ZNF304: variants seen among roughly 807,000 people sequenced by gnomAD.
ZNF304 encodes KRAB-containing zinc finger protein.
In ZNF304, 7 loss-of-function variants were observed where a neutral mutation model predicts 7.8. The ratio of observed to expected loss-of-function variants is 0.90; its 90% CI spans 0.51 to 1.69. The LOEUF is 1.69. Among genes scored for constraint, ZNF304 ranks in the 40% most tolerant of loss-of-function variants. ZNF304 has a pLI of 0.00. For synonymous variants in ZNF304, 280 were observed against 272.4 expected (o/e 1.03, Z -0.27); for missense variants, 669 against 804.8 (o/e 0.83, Z 2.04).
In ZNF304 at chr19:57,353,871, A is replaced by T; in HGVS notation, c.160+20A>T. 6.5e-7 allele frequency: 1 copy of T among 1,532,170 alleles called. No individual in the cohort carries two copies. Among genetic ancestry groups the T allele is most frequent in the Non-Finnish European group, 8.8e-7 (1 of 1,136,042 alleles). 94.9% of individuals were successfully genotyped at this position (1,532,170 alleles called of 1,614,324 possible). On this transcript the variant is annotated intron_variant, in intron 2 of 2. Coordinates refer to ENST00000282286, the MANE Select transcript of ZNF304 (RefSeq NM_020657.4). ...CACTAGGTAAGTCTGTGTTTTAGTTATCTAATGCTACATGGCAAATTATCC... is the reference window on the plus strand; with the variant it reads ...CACTAGGTAAGTCTGTGTTTTAGTTTTCTAATGCTACATGGCAAATTATCC...
intron 1 of ZNF304, 71 bp from the exon 2 acceptor site, chr19:57,353,654 G>A: frequency 6.5e-7 from 1 of 1,537,854 alleles, no homozygotes; most frequent in South Asian, 1.3e-5. Context: ...GTGTGTGAGT[G>A]TGTAGACTGG....
Position 57,353,960 on chromosome 19 carries a change from C to T in ZNF304, c.160+109C>T, listed in dbSNP as rs902099535. 1.9e-5 allele frequency: 17 copies of T among 880,296 alleles called. No homozygotes were observed. In the Admixed American group the frequency reaches 5.4e-4, roughly 28 times the overall value. 54.5% of individuals were successfully genotyped at this position (880,296 alleles called of 1,614,324 possible). ...TCTCCAGTTTCAGTGCATTGGTAAT[C>T]TGGTTAGAGCATTTTTTGTTGTTTA... On this transcript the variant is annotated intron_variant, in intron 2 of 2. Transcript: ENST00000282286.
Position 57,351,467 on chromosome 19 carries a change from G to C in ZNF304, c.-198G>C, listed in dbSNP as rs899583791. On this transcript the variant is annotated 5_prime_UTR_variant, in exon 1 of 3. Transcript: ENST00000282286. The surrounding 1 kb of genome is among the most constrained non-coding windows in gnomAD (Gnocchi z 4.1). ...GCCTCTCGCGGAGGTGTCTGCCGGGGCTGGGCTCTTACCGAGGCCTCCACA... is the reference window on the plus strand; with the variant it reads ...GCCTCTCGCGGAGGTGTCTGCCGGGCCTGGGCTCTTACCGAGGCCTCCACA... 4.9e-6 allele frequency: 3 copies of C among 617,704 alleles called. No homozygotes were observed. In the African/African-American group the frequency reaches 5.6e-5, roughly 12 times the overall value. The allele number at this position is 617,704 out of a possible 1,614,324, so 38.3% of individuals were successfully genotyped here. A position where few individuals can be genotyped will look rare whatever the true frequency, so the allele number is the denominator to read the frequency against.
At position 57,356,954 on chromosome 19, in the gene ZNF304, C is replaced by A; in HGVS notation, c.1085C>A (p.Pro362His). The A allele has an allele frequency of 6.2e-7, 1 of 1,605,162 alleles. No individual in the cohort carries two copies. The highest frequency in any genetic ancestry group is 8.5e-7 in the Non-Finnish European group (1 of 1,172,826). The change falls in exon 3 of 3, where the codon CCT becomes CAT. Residue 362 changes from proline to histidine, a missense_variant. Transcript: ENST00000282286. Reference protein sequence around the residue: ...QHQRIHTGERPYKCNKCGKAF... With the variant: ...QHQRIHTGERHYKCNKCGKAF... ...CAGAGAATTCACACAGGAGAAAGGC[C>A]TTATAAGTGCAACAAATGTGGGAAA...
In ZNF304 at chr19:57,357,222, A is replaced by G; in HGVS notation, c.1353A>G (p.Lys451=). The change falls in exon 3 of 3, where the codon AAA becomes AAG. Residue 451 remains lysine (K), a synonymous_variant. Transcript: ENST00000282286. ...GAGCAAGATCCTACGTGTGCAGCAA[A>G]TGTGGGAAGGCCTTTGGCTGCAAAG... The part of the protein sequence containing the change: ...HTGARSYVCS[K]CGKAFGCKDT... The G allele has an allele frequency of 1.2e-6, 2 of 1,614,074 alleles. No homozygotes were observed. Among genetic ancestry groups the G allele is most frequent in the Non-Finnish European group, 1.7e-6 (2 of 1,180,018 alleles).
Position 57,357,877 on chromosome 19 carries a change from C to CATTTT in ZNF304, c.*28_*29insATTTT. 3 of 1,559,074 alleles carry CATTTT rather than the reference C, an allele frequency of 1.9e-6. No individual in the cohort carries two copies. In the South Asian group the frequency reaches 3.7e-5, roughly 19 times the overall value. ...CCAGAAAATTCACACAAGAGAAAGGCCTTATGAATGCAGAAAATATGTCAT... is the reference window on the plus strand; with the variant it reads ...CCAGAAAATTCACACAAGAGAAAGGCATTTTCTTATGAATGCAGAAAATATGTCAT... On this transcript the variant is annotated 3_prime_UTR_variant, in exon 3 of 3. Coordinates refer to ENST00000282286, the MANE Select transcript of ZNF304 (RefSeq NM_020657.4).
Position 57,351,533 on chromosome 19 carries a change from T to G in ZNF304, c.-132T>G. 1 of 1,142,790 alleles carries G rather than the reference T, an allele frequency of 8.8e-7. No homozygotes were observed. 70.8% of individuals were successfully genotyped at this position (1,142,790 alleles called of 1,614,324 possible). On this transcript the variant is annotated 5_prime_UTR_variant, in exon 1 of 3. It introduces an in-frame stop codon into an upstream open reading frame of the 5' UTR. Coordinates refer to ENST00000282286, the MANE Select transcript of ZNF304 (RefSeq NM_020657.4). The surrounding 1 kb of genome is among the most constrained non-coding windows in gnomAD (Gnocchi z 4.1). ...TTGTCTCCCCCAGAAGCAGCCGCCT[T>G]AGTCTTGTGAGCGTTTTTACACCGG...
At position 57,351,583 on chromosome 19, in the gene ZNF304, A is replaced by T. The variant is rs1323084495; in HGVS notation, c.-82A>T. 2.4e-5 allele frequency: 38 copies of T among 1,551,654 alleles called. No individual in the cohort carries two copies. The highest frequency in any genetic ancestry group is 3.4e-5 in the Non-Finnish European group (38 of 1,128,694). On this transcript the variant is annotated 5_prime_UTR_variant, in exon 1 of 3. Transcript: ENST00000282286. The surrounding 1 kb of genome is among the most constrained non-coding windows in gnomAD (Gnocchi z 4.1). ...GGTAGATTGAGACTTGGAGTGCTACACTCAGCCCGAGGGCGTCCAGCGCGG... is the reference window on the plus strand; with the variant it reads ...GGTAGATTGAGACTTGGAGTGCTACTCTCAGCCCGAGGGCGTCCAGCGCGG...
chr19:57,353,872 T>C (rs372494374), intron 2 of ZNF304, 21 bp downstream of exon 2: 252 of 1,532,476 alleles, frequency 1.6e-4, no homozygotes, highest in Non-Finnish European at 8.4e-5. Context: ...GTTTTAGTTA[T>C]CTAATGCTAC....
In ZNF304 at chr19:57,357,555, T is replaced by C. The variant is rs756225586; in HGVS notation, c.1686T>C (p.Ser562=). 8.6e-5 allele frequency: 139 copies of C among 1,613,890 alleles called. 2 individuals are homozygous for C. In the South Asian group the frequency reaches 1.5e-3, roughly 17 times the overall value. Residue 562 remains serine, a synonymous_variant, in exon 3 of 3, where the codon AGT becomes AGC. Transcript: ENST00000282286. ...VHTGARPYVC[S]ECGKAYISSS... ...CAGGAGCAAGGCCTTATGTGTGCAG[T>C]GAATGTGGGAAGGCTTACATTAGTA...
At chr19:57,355,909 G>A (rs2088329200) in intron 2 of ZNF304, 121 bp from the exon 3 acceptor site, 1 of 1,120,494 alleles carries the variant, frequency 8.9e-7, no homozygotes, top group Non-Finnish European at 1.3e-6. Flanking sequence ...CACTGATCCT[G>A]GCCCTCTTGT....
At position 57,351,556 on chromosome 19, in the gene ZNF304, C is replaced by T. The variant is rs1422894173; in HGVS notation, c.-109C>T. 1.5e-6 allele frequency: 2 copies of T among 1,377,968 alleles called. No individual in the cohort carries two copies. The highest frequency in any genetic ancestry group is 2.9e-5 in the African/African-American group (2 of 69,728). The allele number at this position is 1,377,968 out of a possible 1,614,324, so 85.4% of individuals were successfully genotyped here. On this transcript the variant is annotated 5_prime_UTR_variant, in exon 1 of 3. Transcript: ENST00000282286. The surrounding 1 kb of genome is among the most constrained non-coding windows in gnomAD (Gnocchi z 4.1). ...CTTAGTCTTGTGAGCGTTTTTACAC[C>T]GGGTAGATTGAGACTTGGAGTGCTA...
At chr19:57,355,422 T>C in intron 2 of ZNF304, 1 of 755,326 alleles carries the variant, frequency 1.3e-6, no homozygotes, top group South Asian at 1.4e-5. Context: ...GTATCTGTTA[T>C]GGTTGGGTTC....
At chr19:57,353,378 T>C (rs1383874672) in intron 1 of ZNF304, among the ~76,000 whole-genome samples, 1 of 152,108 alleles carries the variant, frequency 6.6e-6, no homozygotes, top group Non-Finnish European at 1.5e-5. Flanking sequence ...TATTGGCAGC[T>C]CATGGGAGAA....
rs746369511 is a variant in ZNF304 at position 57,357,552 on chromosome 19, C to T, written c.1683C>T (p.Cys561=). ...RVHTGARPYV[C]SECGKAYISS... ...ACACAGGAGCAAGGCCTTATGTGTG[C>T]AGTGAATGTGGGAAGGCTTACATTA... The change falls in exon 3 of 3, where the codon TGC becomes TGT. Residue 561 remains cysteine, a synonymous_variant. Coordinates refer to ENST00000282286, the MANE Select transcript of ZNF304 (RefSeq NM_020657.4). 5.6e-6 allele frequency: 9 copies of T among 1,614,178 alleles called. No individual in the cohort carries two copies. The South Asian group carries it at 9.9e-5, about 18-fold the overall frequency.
At chr19:57,354,145 G>A (rs1339738035) in intron 2 of ZNF304, among the ~76,000 whole-genome samples, 2 of 152,050 alleles carry the variant, frequency 1.3e-5, no homozygotes, top group Non-Finnish European at 2.9e-5. Flanking sequence ...GAGTAGCTGG[G>A]ACTATAGGTG....
chr19:57,354,467 T>C lies in ZNF304; in HGVS notation c.160+616T>C, dbSNP rs77308692. 9.0e-3 allele frequency among the ~76,000 whole-genome samples: 1,378 copies of C among 152,344 alleles called. 13 individuals carry two copies. Among genetic ancestry groups the C allele is most frequent in the Non-Finnish European group, 0.014 (983 of 68,032 alleles). On this transcript the variant is annotated intron_variant, in intron 2 of 2. Coordinates refer to ENST00000282286, the MANE Select transcript of ZNF304 (RefSeq NM_020657.4). ...GTGGCTTGTTGGACTGTGAGCACTG[T>C]TCCTTGCTGGCTGTTGGCCAAAGTC...
chr19:57,359,563 G>C lies in ZNF304; in HGVS notation c.*1714G>C, dbSNP rs2088395409. On this transcript the variant is annotated 3_prime_UTR_variant, in exon 3 of 3. Coordinates refer to ENST00000282286, the MANE Select transcript of ZNF304 (RefSeq NM_020657.4). ...AGTCAAGATATCCAACACAACAAAA[G>C]ATTGTCCCTTTATAATCCTCAATTT... The C allele has an allele frequency of 6.6e-6, 1 of 152,186 alleles. No individual in the cohort carries two copies. Among genetic ancestry groups the C allele is most frequent in the Admixed American group, 6.5e-5 (1 of 15,272 alleles). 9.4% of individuals were successfully genotyped at this position (152,186 alleles called of 1,614,324 possible).
In ZNF304 at chr19:57,351,518, C is replaced by G; in HGVS notation, c.-147C>G. The G allele has an allele frequency of 1.0e-6, 1 of 993,490 alleles. No homozygotes were observed. The highest frequency in any genetic ancestry group is 1.5e-6 in the Non-Finnish European group (1 of 648,522). 61.5% of individuals were successfully genotyped at this position (993,490 alleles called of 1,614,324 possible). On this transcript the variant is annotated 5_prime_UTR_variant, in exon 1 of 3. Coordinates refer to ENST00000282286, the MANE Select transcript of ZNF304 (RefSeq NM_020657.4). The surrounding 1 kb of genome is among the most constrained non-coding windows in gnomAD (Gnocchi z 4.1). ...CACGTCCTCTTGTCCTTGTCTCCCC[C>G]AGAAGCAGCCGCCTTAGTCTTGTGA...
Sources: allele counts gnomAD v4.1 joint callset (sites outside exome capture counted in the v4.1 genomes callset), GRCh38; gene constraint gnomAD v4.1.1; non-coding constraint Gnocchi (gnomAD v3.1); transcripts MANE v1.5; gene names NCBI Gene and HGNC (gene_info 2026-07-23, HGNC 2026-07-21).